ATP8A2: variants seen among roughly 807,000 people sequenced by gnomAD.
The protein encoded by ATP8A2 is phospholipid-transporting ATPase IB.
ATP8A2 carries 100 observed loss-of-function variants against 165.6 expected under a neutral mutation model. The observed-to-expected ratio is 0.60, with a 90% CI of 0.51 to 0.71. The LOEUF (loss-of-function observed/expected upper bound fraction) is 0.71, where lower values mean the gene tolerates loss of function less well. Ranked by LOEUF, ATP8A2 falls within the 30% of genes least tolerant of loss-of-function variation. The probability of loss-of-function intolerance (pLI) is 0.00; values close to 1 mark genes in which losing one functional copy is unlikely to be tolerated. For synonymous variants in ATP8A2, 543 were observed against 548.8 expected, an observed-to-expected ratio of 0.99 and a Z score of 0.15; for missense variants, 1,227 against 1,479.5, an observed-to-expected ratio of 0.83 and a Z score of 2.80.
chr13:25,542,944 C>T (rs747485225), intron 9 of ATP8A2, among the ~76,000 whole-genome samples: 1 of 151,996 alleles, frequency 6.6e-6, no homozygotes, highest in Non-Finnish European at 1.5e-5. Context: ...AATAATACTT[C>T]CAATAATAAT....
At chr13:25,769,401 C>T (rs1371613933) in intron 26 of ATP8A2, among the ~76,000 whole-genome samples, 172 bp downstream of exon 26, 1 of 152,126 alleles carries the variant, frequency 6.6e-6, no homozygotes, top group East Asian at 1.9e-4. Flanking sequence ...TGATCTTGTG[C>T]AGTTTGGAGG....
chr13:25,780,013 A>C (rs1006036113), intron 27 of ATP8A2, among the ~76,000 whole-genome samples: 1 of 152,194 alleles, frequency 6.6e-6, no homozygotes, highest in African/African-American at 2.4e-5. Flanking sequence ...TCAGCATTTT[A>C]AGCATGTATT....
intron 1 of ATP8A2, among the ~76,000 whole-genome samples, chr13:25,416,465 T>C (rs1381483446): frequency 6.6e-6 from 1 of 152,146 alleles, no homozygotes; most frequent in African/African-American, 2.4e-5. Context: ...TATCAATAGA[T>C]TTCACTTGAA....
intron 11 of ATP8A2, 97 bp downstream of exon 11, chr13:25,551,600 C>T: frequency 8.4e-7 from 1 of 1,185,474 alleles, no homozygotes. Flanking sequence ...TGCTGTCCTT[C>T]TGTTCCCTTT....
At chr13:25,558,369 T>C (rs1229304264) in intron 13 of ATP8A2, among the ~76,000 whole-genome samples, 5 of 152,218 alleles carry the variant, frequency 3.3e-5, no homozygotes, top group African/African-American at 1.2e-4. Context: ...GTAGATGTAG[T>C]ATTTGACTTC....
chr13:25,448,321 A>C (rs2035124540), intron 1 of ATP8A2, among the ~76,000 whole-genome samples: 1 of 152,228 alleles, frequency 6.6e-6, no homozygotes. Context: ...GGAAACTTAA[A>C]GCTTAGTTTT....
chr13:25,937,362 C>CTTTCTTTCTTTTTTTTTTTTTTTTTTT, intron 33 of ATP8A2, among the ~76,000 whole-genome samples: 2 of 38,798 alleles, frequency 5.2e-5, no homozygotes, highest in Admixed American at 4.6e-4. Flanking sequence ...TTCTTTCTTT[C>CTTTCTTTCTTTTTTTTTTTTTTTTTTT]TTTTTTTTTT....
chr13:25,584,267 C>T (rs1397256233), intron 23 of ATP8A2, among the ~76,000 whole-genome samples: 1 of 152,132 alleles, frequency 6.6e-6, no homozygotes, highest in South Asian at 2.1e-4. Flanking sequence ...TTAGACTTTT[C>T]AGTGTGGGAC....
In ATP8A2 at chr13:25,541,940, A is replaced by C. The variant is rs772537768; in HGVS notation, c.673A>C (p.Met225Leu). Reference sequence around the variant, plus strand: ...TTAGGGTTTGAGTCACACTGCTGACATGCAAACACGTGAAGTTCTGATGAA... The same window carrying C: ...TTAGGGTTTGAGTCACACTGCTGACCTGCAAACACGTGAAGTTCTGATGAA... ...IRQGLSHTAD[M>L]QTREVLMKLS... Residue 225 changes from methionine to leucine, a missense_variant, in exon 9 of 37, where the codon ATG becomes CTG. Met to Leu is a conservative substitution (Grantham distance 15). Coordinates refer to ENST00000381655, the MANE Select transcript of ATP8A2 (RefSeq NM_016529.6). 1 of 1,614,148 alleles carries C rather than the reference A, an allele frequency of 6.2e-7. No individual in the cohort carries two copies. Among genetic ancestry groups the C allele is most frequent in the Admixed American group, 1.7e-5 (1 of 60,022 alleles).
chr13:25,978,747 C>T (rs1351046616), intron 35 of ATP8A2, among the ~76,000 whole-genome samples: 2 of 152,098 alleles, frequency 1.3e-5, no homozygotes, highest in Non-Finnish European at 2.9e-5. Flanking sequence ...CGAGACCATC[C>T]TGGCAAACAC....
intron 33 of ATP8A2, among the ~76,000 whole-genome samples, chr13:25,881,977 A>G (rs1244132790): frequency 2.0e-5 from 3 of 152,170 alleles, no homozygotes. Flanking sequence ...GTGTGAGGGG[A>G]AAGCAGGCTG....
intron 1 of ATP8A2, among the ~76,000 whole-genome samples, chr13:25,405,454 G>A (rs2033771144): frequency 6.6e-6 from 1 of 152,164 alleles, no homozygotes; most frequent in Non-Finnish European, 1.5e-5. Context: ...GAGTCCCCCA[G>A]GTCTTCTTTC....
chr13:25,962,980 C>T (rs1208019180), intron 34 of ATP8A2, among the ~76,000 whole-genome samples: 6 of 151,962 alleles, frequency 3.9e-5, no homozygotes, highest in Admixed American at 2.6e-4. Context: ...TTTGATTTAC[C>T]ATTACTTCCA....
chr13:25,843,744 A>G (rs933539362), intron 30 of ATP8A2, among the ~76,000 whole-genome samples: 1 of 152,072 alleles, frequency 6.6e-6, no homozygotes. Context: ...TCCTTTCCCT[A>G]TCCTTCTGGA....
intron 26 of ATP8A2, among the ~76,000 whole-genome samples, chr13:25,772,035 C>T (rs552800329): frequency 1.3e-5 from 2 of 152,276 alleles, no homozygotes; most frequent in East Asian, 3.9e-4. Flanking sequence ...GGGAAAGTTA[C>T]GAAGTGGGCA....
At chr13:25,842,277 TC>T (rs1487592362) in intron 30 of ATP8A2, among the ~76,000 whole-genome samples, 1 of 152,028 alleles carries the variant, frequency 6.6e-6, no homozygotes, top group Admixed American at 6.6e-5. Flanking sequence ...AGTGGGGAAA[TC>T]AGGACAGGTG....
At chr13:25,916,558 TAA>T (rs1218778787) in intron 33 of ATP8A2, among the ~76,000 whole-genome samples, 2 of 152,198 alleles carry the variant, frequency 1.3e-5, no homozygotes, top group Non-Finnish European at 2.9e-5. Context: ...TGATCAGACA[TAA>T]AGTTATCGCG....
At chr13:25,693,687 CTG>C (rs1491076671) in intron 24 of ATP8A2, among the ~76,000 whole-genome samples, 2 of 139,756 alleles carry the variant, frequency 1.4e-5, no homozygotes, top group Non-Finnish European at 3.1e-5. Context: ...CTCTCTCTCT[CTG>C]TTTTATTTAT....
chr13:25,544,500 G>A (rs2038582392), intron 10 of ATP8A2, among the ~76,000 whole-genome samples: 1 of 152,164 alleles, frequency 6.6e-6, no homozygotes, highest in Non-Finnish European at 1.5e-5. Flanking sequence ...ATTGGAGACA[G>A]GGAGGAGAGA....
Sources: allele counts gnomAD v4.1 joint callset (sites outside exome capture counted in the v4.1 genomes callset), GRCh38; gene constraint gnomAD v4.1.1; transcripts MANE v1.5; gene names NCBI Gene and HGNC (gene_info 2026-07-23, HGNC 2026-07-21).